The following ZNF516 variants were observed in gnomAD, a reference collection of about 807,000 sequenced individuals.
ZNF516 encodes zinc finger protein 516.
Under a neutral mutation model 79.7 loss-of-function variants are expected in ZNF516, and 19 were observed. The ratio of observed to expected loss-of-function variants is 0.24; its 90% CI spans 0.17 to 0.35. The LOEUF is 0.35. ZNF516 is among the 10% of genes least tolerant of loss of function. The pLI is 1.00. For synonymous variants in ZNF516, 877 were observed against 739.5 expected, an observed-to-expected ratio of 1.19 and a Z score of -3.02; for missense variants, 1,678 against 1,679.5, an observed-to-expected ratio of 1.00 and a Z score of 0.02.
intron 1 of ZNF516, chr18:76,491,076 T>G (rs970270327): frequency 1.0e-5 from 10 of 985,212 alleles, no homozygotes; most frequent in Admixed American, 1.2e-4. Flanking sequence ...TGAACACTTA[T>G]GTAATCGTCC....
chr18:76,362,576 A>C lies in ZNF516; in HGVS notation c.3433-19T>G. 1.2e-6 allele frequency: 2 copies of C among 1,601,460 alleles called. No individual in the cohort carries two copies. The highest frequency in any genetic ancestry group is 1.7e-4 in the Middle Eastern group (1 of 6,022). Reference sequence around the variant, plus strand: ...CTCTCCCCTGGGTGAGAAAAAGGAAAGAACAGGAGAAAAGCTCATTTCTGC... The same window carrying C: ...CTCTCCCCTGGGTGAGAAAAAGGAACGAACAGGAGAAAAGCTCATTTCTGC... On this transcript the variant is annotated intron_variant, in intron 6 of 6. Transcript: ENST00000443185.
chr18:76,362,544 G>A lies in ZNF516; in HGVS notation c.3446C>T (p.Ser1149Phe). The change falls in exon 7 of 7, where the codon TCT becomes TTT. Residue 1149 changes from serine to phenylalanine, a missense_variant. Physicochemically the swap from Ser to Phe is radical, Grantham distance 155 (BLOSUM62 -2). This residue lies in a region of ZNF516 where 1,294 missense variants were observed against 1,248.3 expected (regional missense o/e 1.04). Transcript: ENST00000443185. ...CACTGTCTGGACGGTACCTGTGTTA[G>A]AATGGTCTCTCCCCTGGGTGAGAAA... ...ADAPKQGRDH[S>F]NTGTVQTVPL... is the part of the protein sequence containing the mutation. 8 of 1,612,396 alleles carry A rather than the reference G, an allele frequency of 5.0e-6. No individual in the cohort carries two copies. Among genetic ancestry groups the A allele is most frequent in the Non-Finnish European group, 6.8e-6 (8 of 1,178,572 alleles).
chr18:76,435,807 A>G (rs1460159747), intron 3 of ZNF516, among the ~76,000 whole-genome samples: 1 of 152,210 alleles, frequency 6.6e-6, no homozygotes, highest in Non-Finnish European at 1.5e-5. Flanking sequence ...CAAAGCCTGC[A>G]ATCGGCCTGC....
intron 4 of ZNF516, 46 bp from the exon 5 acceptor site, chr18:76,371,617 G>A: frequency 6.5e-7 from 1 of 1,537,742 alleles, no homozygotes; most frequent in Non-Finnish European, 8.9e-7. Context: ...GGTGGGGTTG[G>A]CGTGGAGGTG....
In ZNF516 at chr18:76,379,145, C is replaced by T. The variant is rs758976519; in HGVS notation, c.2969G>A (p.Gly990Asp). ...AGGTAGAGGAGGAGCGCCCCCTTCG[C>T]CCTTTGCAGGAGGTGGACCCTGAGG... Reference protein sequence around the residue: ...AQPQGPPPAKGEGGAPPLPPR... With the variant: ...AQPQGPPPAKDEGGAPPLPPR... Residue 990 changes from glycine (G) to aspartate (D), a missense_variant, in exon 4 of 7, where the codon GGC becomes GAC. Transcript: ENST00000443185. The T allele has an allele frequency of 3.7e-6, 6 of 1,612,874 alleles. No homozygotes were observed. In the South Asian group the frequency reaches 4.4e-5, roughly 12 times the overall value.
chr18:76,367,219 C>G (rs2074626917), intron 6 of ZNF516, among the ~76,000 whole-genome samples: 1 of 152,168 alleles, frequency 6.6e-6, no homozygotes, highest in Non-Finnish European at 1.5e-5. Flanking sequence ...CTTTCCAAGC[C>G]CAATCCCTCT....
At chr18:76,389,001 G>A (rs1292018526) in intron 3 of ZNF516, 1 of 152,468 alleles carries the variant, frequency 6.6e-6, no homozygotes, top group Non-Finnish European at 1.5e-5. Context: ...TCCAGAACAG[G>A]CCCGGGGGAG....
chr18:76,443,564 A>T (rs1599101925), intron 2 of ZNF516, among the ~76,000 whole-genome samples: 1 of 152,326 alleles, frequency 6.6e-6, no homozygotes, highest in African/African-American at 2.4e-5. Context: ...TGTGGGAATT[A>T]GGGACAGAGG....
chr18:76,412,480 G>A (rs1172857752), intron 3 of ZNF516, among the ~76,000 whole-genome samples: 1 of 152,130 alleles, frequency 6.6e-6, no homozygotes, highest in African/African-American at 2.4e-5. Flanking sequence ...CCACTCACCT[G>A]GGGACCGACG....
At chr18:76,378,833 A>T in intron 4 of ZNF516, 22 bp downstream of exon 4, 4 of 1,600,548 alleles carry the variant, frequency 2.5e-6, no homozygotes, top group Non-Finnish European at 3.4e-6. Context: ...GGCCTGGGGA[A>T]GAGAGGGCCC....
Position 76,493,965 on chromosome 18 carries a change from C to CT in ZNF516, c.-272+1178dup, listed in dbSNP as rs1007731622. On this transcript the variant is annotated intron_variant, in intron 1 of 6. Transcript: ENST00000443185. This position sits in a 1 kb window ranked among gnomAD's most constrained non-coding sequence, Gnocchi z 5.2. ...TTGCACACCCGGAGACCCGGTGACT[C>CT]TTTATCAGCGGAATGAGTAAGACAC... The CT allele has an allele frequency of 6.6e-6, 1 of 152,206 alleles. No individual in the cohort carries two copies. The highest frequency in any genetic ancestry group is 1.5e-5 in the Non-Finnish European group (1 of 68,040). The allele number at this position is 152,206 out of a possible 1,614,324, so 9.4% of individuals were successfully genotyped here.
upstream of ZNF516, among the ~76,000 whole-genome samples, chr18:76,495,341 C>T (rs1300945563): frequency 6.9e-6 from 1 of 144,504 alleles, no homozygotes; most frequent in Non-Finnish European, 1.5e-5. Context: ...CCGCGCGCGC[C>T]CCGGACGCGT....
chr18:76,483,282 T>G (rs1208551992), intron 1 of ZNF516, among the ~76,000 whole-genome samples: 2 of 151,990 alleles, frequency 1.3e-5, no homozygotes, highest in Non-Finnish European at 2.9e-5. Context: ...ACCTGACCAT[T>G]GGAAAGAAAG....
At chr18:76,450,568 G>C (rs1844931284) in intron 2 of ZNF516, among the ~76,000 whole-genome samples, 1 of 152,000 alleles carries the variant, frequency 6.6e-6, no homozygotes, top group Non-Finnish European at 1.5e-5. Context: ...CCCACCCACG[G>C]GCTCCAGTTG....
At chr18:76,421,254 A>C (rs1254881732) in intron 3 of ZNF516, among the ~76,000 whole-genome samples, 1 of 152,204 alleles carries the variant, frequency 6.6e-6, no homozygotes, top group African/African-American at 2.4e-5. Context: ...ACAGGGTGTG[A>C]AGTCAAGTTC....
chr18:76,458,695 TGTGTGCGTGCCTCACCGTCGTGC>T (rs1912894961), intron 2 of ZNF516, among the ~76,000 whole-genome samples: 1 of 135,432 alleles, frequency 7.4e-6, no homozygotes, highest in African/African-American at 2.9e-5. Flanking sequence ...CTCACCGTCG[TGTGTGCGTGCCTCACCGTCGTGC>T]GTGTGCATGC....
At chr18:76,455,232 G>A (rs1911498213) in intron 2 of ZNF516, among the ~76,000 whole-genome samples, 1 of 152,148 alleles carries the variant, frequency 6.6e-6, no homozygotes, top group East Asian at 1.9e-4. Context: ...GGTCACAGAA[G>A]GTCCATGTTT....
intron 4 of ZNF516, among the ~76,000 whole-genome samples, chr18:76,376,813 A>G (rs1353430064): frequency 3.9e-5 from 6 of 152,094 alleles, no homozygotes; most frequent in Non-Finnish European, 8.8e-5. Context: ...AATTAAAACT[A>G]TGAGTCCGGT....
At chr18:76,478,368 G>C (rs1914296226) in intron 1 of ZNF516, among the ~76,000 whole-genome samples, 1 of 152,096 alleles carries the variant, frequency 6.6e-6, no homozygotes, top group Non-Finnish European at 1.5e-5. Flanking sequence ...GCAAAGTTAA[G>C]AGTTTCTAGG....
Sources: gnomAD v4.1 joint callset for allele counts (sites outside exome capture counted in the v4.1 genomes callset) on GRCh38, gnomAD v4.1.1 for gene constraint, gnomAD v4.1.1 regional missense constraint, Gnocchi (gnomAD v3.1) non-coding constraint, MANE v1.5 for transcripts, NCBI Gene and HGNC (gene_info 2026-07-23, HGNC 2026-07-21) for gene names.